Variants in FAM135B observed in about 807,000 individuals in gnomAD.
FAM135B encodes protein FAM135B.
A neutral mutation model predicts 127.7 loss-of-function variants in FAM135B; 43 were observed. The ratio of observed to expected loss-of-function variants is 0.34; its 90% confidence interval spans 0.26 to 0.43. The LOEUF is 0.43. FAM135B is among the 20% of genes least tolerant of loss of function. FAM135B has a pLI of 1.00. For missense variants in FAM135B, 1,558 were observed against 1,725.6 expected, an observed-to-expected ratio of 0.90 and a Z score of 1.72; for synonymous variants, 670 against 665.1, an observed-to-expected ratio of 1.01 and a Z score of -0.11.
At chr8:138,374,112 G>A (rs1831316308) in intron 1 of FAM135B, among the ~76,000 whole-genome samples, 1 of 152,102 alleles carries the variant, frequency 6.6e-6, no homozygotes, top group South Asian at 2.1e-4. Context: ...GTCTTGCAGG[G>A]CATCACACAA....
intron 5 of FAM135B, 69 bp downstream of exon 5, chr8:138,256,620 T>A (rs1822107774): frequency 2.3e-6 from 3 of 1,300,700 alleles, no homozygotes; most frequent in South Asian, 1.2e-5. Context: ...TATGAGGCTA[T>A]CCCAAGAGTG....
intron 8 of FAM135B, among the ~76,000 whole-genome samples, chr8:138,196,609 G>T (rs1447602252): frequency 6.6e-6 from 1 of 152,180 alleles, no homozygotes; most frequent in Non-Finnish European, 1.5e-5. Flanking sequence ...CAAAACCACA[G>T]TTATCTCAGC....
chr8:138,224,864 T>C (rs1819293898), intron 7 of FAM135B, among the ~76,000 whole-genome samples: 1 of 151,896 alleles, frequency 6.6e-6, no homozygotes, highest in African/African-American at 2.4e-5. Context: ...CTAAAAAAAG[T>C]CAAACTTGTA....
intron 12 of FAM135B, among the ~76,000 whole-genome samples, chr8:138,155,681 G>A (rs185413123): frequency 1.3e-5 from 2 of 152,104 alleles, no homozygotes; most frequent in East Asian, 3.9e-4. Flanking sequence ...AACCAACAAA[G>A]ACCAAAAAAG....
At chr8:138,206,241 C>CAGT (rs2129712663) in intron 7 of FAM135B, among the ~76,000 whole-genome samples, 2 of 146,988 alleles carry the variant, frequency 1.4e-5, no homozygotes, top group Admixed American at 6.8e-5. Flanking sequence ...ACAGCTCTCT[C>CAGT]ATCCCCTCCA....
At position 138,190,816 on chromosome 8, in the gene FAM135B, C is replaced by G. The variant is rs141296738; in HGVS notation, c.873+4442G>C. ...GTATTGATTCCAGGTCTTTAGATAA[C>G]CTCTTTCAACCTATTGCCAATCAGA... On this transcript the variant is annotated intron_variant, in intron 9 of 19. Transcript: ENST00000395297. Among the ~76,000 whole-genome samples, 761 of 152,292 alleles carry G rather than the reference C, an allele frequency of 5.0e-3. 5 individuals carry two copies. The highest frequency in any genetic ancestry group is 0.016 in the African/African-American group (652 of 41,570).
intron 1 of FAM135B, among the ~76,000 whole-genome samples, chr8:138,394,364 C>T (rs1213748922): frequency 4.6e-5 from 7 of 152,020 alleles, no homozygotes; most frequent in Non-Finnish European, 7.4e-5. Flanking sequence ...TCCTTCAATC[C>T]CCCATTAATT....
At chr8:138,497,368 C>T (rs1312491789), upstream of FAM135B, among the ~76,000 whole-genome samples, 1 of 150,844 alleles carries the variant, frequency 6.6e-6, no homozygotes, top group East Asian at 2.0e-4. Context: ...CCCGCTCGGC[C>T]GCCCGGGTGC....
intron 1 of FAM135B, among the ~76,000 whole-genome samples, chr8:138,375,293 C>A (rs1037405064): frequency 6.6e-6 from 1 of 152,044 alleles, no homozygotes; most frequent in South Asian, 2.1e-4. Flanking sequence ...TTTAGAGCTA[C>A]AAAAATTGTC....
At chr8:138,311,116 T>C (rs1292449360) in intron 2 of FAM135B, among the ~76,000 whole-genome samples, 196 bp from the exon 3 acceptor site, 2 of 152,078 alleles carry the variant, frequency 1.3e-5, no homozygotes, top group Admixed American at 6.5e-5. Flanking sequence ...GTGTTGGAGA[T>C]TGGAAGTTGA....
At chr8:138,184,604 C>T (rs1815380467) in intron 9 of FAM135B, among the ~76,000 whole-genome samples, 1 of 151,940 alleles carries the variant, frequency 6.6e-6, no homozygotes, top group Non-Finnish European at 1.5e-5. Flanking sequence ...GCTGCCAAGG[C>T]CCCTGGAACC....
intron 13 of FAM135B, 31 bp downstream of exon 13, chr8:138,151,163 G>A (rs766495578): frequency 6.8e-6 from 10 of 1,469,162 alleles, no homozygotes; most frequent in Non-Finnish European, 8.2e-6. Context: ...AAAGACTGTT[G>A]TGGGAAAGGT....
chr8:138,263,580 G>T (rs1822700775), intron 4 of FAM135B, among the ~76,000 whole-genome samples: 2 of 152,186 alleles, frequency 1.3e-5, no homozygotes, highest in Admixed American at 6.5e-5. Context: ...AGTATTTGCA[G>T]TCACTGTGAT....
At chr8:138,304,758 T>G (rs771694415) in intron 3 of FAM135B, among the ~76,000 whole-genome samples, 2 of 152,176 alleles carry the variant, frequency 1.3e-5, no homozygotes, top group African/African-American at 2.4e-5. Context: ...AATGCTGGCT[T>G]GGCCCAAAGG....
intron 1 of FAM135B, among the ~76,000 whole-genome samples, chr8:138,415,082 A>G (rs1834064281): frequency 6.6e-6 from 1 of 152,242 alleles, no homozygotes; most frequent in Non-Finnish European, 1.5e-5. Context: ...AATGATCACA[A>G]GCTAAATACT....
rs530857429 is a variant in FAM135B at position 138,338,205 on chromosome 8, A to G, written c.78-27285T>C. ...ATTCAGGACATAGGCATAGGCAAGG[A>G]CTTCATGTCTAAAACACCAAAAGCA... On this transcript the variant is annotated intron_variant, in intron 2 of 19. Coordinates refer to ENST00000395297, the MANE Select transcript of FAM135B (RefSeq NM_015912.4). 4.0e-3 allele frequency among the ~76,000 whole-genome samples: 613 copies of G among 152,164 alleles called. 7 individuals carry two copies. The highest frequency in any genetic ancestry group is 0.014 in the African/African-American group (593 of 41,512).
chr8:138,165,900 A>G (rs2130885091), intron 12 of FAM135B, among the ~76,000 whole-genome samples: 1 of 152,296 alleles, frequency 6.6e-6, no homozygotes, highest in Admixed American at 6.5e-5. Flanking sequence ...ATAACCGTAT[A>G]TTTGCAAGGT....
chr8:138,201,211 A>G (rs376749979), intron 7 of FAM135B, among the ~76,000 whole-genome samples: 9 of 152,326 alleles, frequency 5.9e-5, no homozygotes, highest in African/African-American at 2.2e-4. Flanking sequence ...GCTACCTGCC[A>G]CTGTCTCACC....
intron 2 of FAM135B, among the ~76,000 whole-genome samples, chr8:138,367,681 G>A (rs1439047381): frequency 1.3e-5 from 2 of 152,028 alleles, no homozygotes; most frequent in Admixed American, 1.3e-4. Flanking sequence ...GAGTGCAGGG[G>A]GAGGAGATGA....
Sources: gnomAD v4.1 joint callset for allele counts (sites outside exome capture counted in the v4.1 genomes callset) on GRCh38, gnomAD v4.1.1 for gene constraint, MANE v1.5 for transcripts, NCBI Gene and HGNC (gene_info 2026-07-23, HGNC 2026-07-21) for gene names.